The following SEMA5B variants were observed in gnomAD, a reference collection of about 807,000 sequenced individuals.
SEMA5B encodes the protein semaphorin 5B, also known as semaphorin-5B.
A neutral mutation model predicts 135.0 loss-of-function variants in SEMA5B; 66 were observed. The ratio of observed to expected loss-of-function variants is 0.49; its 90% CI spans 0.40 to 0.60. SEMA5B has a LOEUF of 0.60. Ranked by LOEUF, SEMA5B falls within the 20% of genes least tolerant of loss-of-function variation. The pLI is 0.00. For missense variants in SEMA5B, 1,501 were observed against 1,566.3 expected (o/e 0.96, Z 0.70); for synonymous variants, 690 against 639.5 (o/e 1.08, Z -1.19).
At position 123,027,311 on chromosome 3, in the gene SEMA5B, C is replaced by T. The variant is rs926750323; in HGVS notation, c.-39+153G>A. ...GGAGGCGCGGAAGCCAGGGGACCCC[C>T]TGTCCTCCCGCCCGCAGCCTCACCT... On this transcript the variant is annotated intron_variant, in intron 1 of 22. Coordinates refer to ENST00000357599, the MANE Select transcript of SEMA5B (RefSeq NM_001031702.4). The T allele has an allele frequency of 2.0e-5, 3 of 152,526 alleles. No homozygotes were observed. In the East Asian group the frequency reaches 5.8e-4, roughly 29 times the overall value. 9.4% of individuals were successfully genotyped at this position (152,526 alleles called of 1,614,324 possible). A position where few individuals can be genotyped will look rare whatever the true frequency, so the allele number is the denominator to read the frequency against.
At chr3:122,945,224 T>C (rs1219344586) in intron 3 of SEMA5B, among the ~76,000 whole-genome samples, 1 of 152,126 alleles carries the variant, frequency 6.6e-6, no homozygotes, top group African/African-American at 2.4e-5. Context: ...TGCAGCAAAA[T>C]GAAGCAAACC....
At chr3:122,925,316 A>G (rs1576338778) in intron 9 of SEMA5B, among the ~76,000 whole-genome samples, 1 of 152,104 alleles carries the variant, frequency 6.6e-6, no homozygotes, top group East Asian at 1.9e-4. Context: ...TTGGAAGAAG[A>G]GTAGTCTTGG....
At chr3:122,945,450 G>A (rs72970528) in intron 3 of SEMA5B, among the ~76,000 whole-genome samples, 2,413 of 152,166 alleles carry the variant, frequency 0.016, 55 homozygotes, top group African/African-American at 0.054. Flanking sequence ...TCCAGGAAGC[G>A]TTCCTGGATT....
At chr3:122,980,457 T>C (rs1303043293) in intron 1 of SEMA5B, among the ~76,000 whole-genome samples, 2 of 120,168 alleles carry the variant, frequency 1.7e-5, no homozygotes, top group Non-Finnish European at 3.3e-5. Context: ...TGAAAAGCCG[T>C]GTCAAAAAAA....
At chr3:122,921,818 T>C (rs973517897) in intron 12 of SEMA5B, 97 bp downstream of exon 12, 13 of 1,015,368 alleles carry the variant, frequency 1.3e-5, no homozygotes, top group African/African-American at 1.7e-5. Flanking sequence ...TAGTGGAGAC[T>C]GCAGGGACCG....
chr3:122,926,598 A>G lies in SEMA5B; in HGVS notation c.930T>C (p.Cys310=), dbSNP rs556027708. Residue 310 remains cysteine (C), a synonymous_variant, in exon 9 of 23, where the codon TGT becomes TGC. Coordinates refer to ENST00000357599, the MANE Select transcript of SEMA5B (RefSeq NM_001031702.4). ...CCACGCGAGAGTACACGGTGCGTCC[A>G]CAGTCGTGCTCCACTGCGTTCTCCC... is the stretch of plus-strand genomic sequence containing the variant. ...FLRENAVEHD[C]GRTVYSRVAR... is the part of the protein sequence containing the mutation. 4.3e-6 allele frequency: 7 copies of G among 1,614,246 alleles called. No homozygotes were observed. In the South Asian group the frequency reaches 7.7e-5, roughly 18 times the overall value.
intron 1 of SEMA5B, chr3:122,975,271 G>C (rs184360734): frequency 2.0e-5 from 3 of 152,408 alleles, no homozygotes; most frequent in African/African-American, 4.8e-5. Context: ...GCTGGCTGGC[G>C]GGAAAGGAGT....
At chr3:122,951,502 T>C (rs1940043056) in intron 2 of SEMA5B, among the ~76,000 whole-genome samples, 2 of 152,216 alleles carry the variant, frequency 1.3e-5, no homozygotes, top group Admixed American at 1.3e-4. Flanking sequence ...GGAAAAGCCC[T>C]AACATTTGTC....
intron 2 of SEMA5B, among the ~76,000 whole-genome samples, chr3:122,949,516 A>G (rs1939953663): frequency 6.6e-6 from 1 of 152,382 alleles, no homozygotes; most frequent in Admixed American, 6.5e-5. Context: ...TTTAGTTTAC[A>G]GTTTAACTTT....
chr3:122,964,098 A>G (rs1940711479), intron 1 of SEMA5B, among the ~76,000 whole-genome samples: 1 of 152,172 alleles, frequency 6.6e-6, no homozygotes, highest in South Asian at 2.1e-4. Flanking sequence ...CAGCCTGCCC[A>G]AAATAAATTT....
chr3:122,998,091 A>G (rs981973957), intron 1 of SEMA5B, among the ~76,000 whole-genome samples: 10 of 152,182 alleles, frequency 6.6e-5, no homozygotes, highest in Non-Finnish European at 1.3e-4. Context: ...CAAGATGCTG[A>G]GGAGCCTCAC....
Position 122,929,011 on chromosome 3 carries a change from G to A in SEMA5B, c.522C>T (p.Ser174=). ...GACCACGTACCTCAGTCTTCCCTTT[G>A]CTTTGGCAGGAGCGGCGCGTGTCCT... ...SSEDTRRSCQ[S]KGKTEEECQN... Residue 174 remains serine (S), a synonymous_variant, in exon 6 of 23, where the codon AGC becomes AGT. Coordinates refer to ENST00000357599, the MANE Select transcript of SEMA5B (RefSeq NM_001031702.4). 6.2e-7 allele frequency: 1 copy of A among 1,612,520 alleles called. No homozygotes were observed. Among genetic ancestry groups the A allele is most frequent in the South Asian group, 1.1e-5 (1 of 91,076 alleles).
chr3:122,934,560 G>A (rs1939153636), intron 5 of SEMA5B, among the ~76,000 whole-genome samples: 1 of 152,154 alleles, frequency 6.6e-6, no homozygotes, highest in African/African-American at 2.4e-5. Context: ...ATTGCACAGA[G>A]AGAAATATTG....
chr3:122,910,331 G>T, intron 22 of SEMA5B, 30 bp from the exon 23 acceptor site: 1 of 1,611,224 alleles, frequency 6.2e-7, no homozygotes, highest in East Asian at 2.2e-5. Flanking sequence ...CCAGAGAAAG[G>T]GGTGAGGGAA....
chr3:122,945,334 A>G (rs1213365765), intron 3 of SEMA5B, among the ~76,000 whole-genome samples: 6 of 152,188 alleles, frequency 3.9e-5, no homozygotes, highest in Non-Finnish European at 8.8e-5. Context: ...GCAATATAGG[A>G]TAAGAAGTGG....
chr3:122,990,817 A>T (rs1251102111), intron 1 of SEMA5B, among the ~76,000 whole-genome samples: 1 of 152,198 alleles, frequency 6.6e-6, no homozygotes, highest in Non-Finnish European at 1.5e-5. Flanking sequence ...ACTTAATCCA[A>T]GCAAGACACA....
At chr3:122,931,630 T>C (rs949606163) in intron 5 of SEMA5B, among the ~76,000 whole-genome samples, 6 of 152,254 alleles carry the variant, frequency 3.9e-5, no homozygotes, top group Admixed American at 3.3e-4. Context: ...GTTCATCTCT[T>C]CTGAATCACT....
upstream of SEMA5B, among the ~76,000 whole-genome samples, chr3:123,028,291 T>C (rs554460188): frequency 6.6e-6 from 1 of 152,334 alleles, no homozygotes; most frequent in East Asian, 1.9e-4. Flanking sequence ...AGAGCCGTTA[T>C]AACCTGCAGC....
At chr3:122,960,611 A>G (rs1409631392) in intron 2 of SEMA5B, among the ~76,000 whole-genome samples, 1 of 152,248 alleles carries the variant, frequency 6.6e-6, no homozygotes, top group Non-Finnish European at 1.5e-5. Flanking sequence ...AAAATGTGAA[A>G]GATATATACA....
Sources: allele counts gnomAD v4.1 joint callset (sites outside exome capture counted in the v4.1 genomes callset), GRCh38; gene constraint gnomAD v4.1.1; transcripts MANE v1.5; gene names NCBI Gene and HGNC (gene_info 2026-07-23, HGNC 2026-07-21).